SRGAP2C: variants seen among roughly 807,000 people sequenced by gnomAD.
SRGAP2C encodes the protein SLIT-ROBO Rho GTPase-activating protein 2C.
Under a neutral mutation model 25.1 loss-of-function variants are expected in SRGAP2C, and 15 were observed. The observed-to-expected ratio is 0.60, with a 90% CI of 0.40 to 0.92. The LOEUF is 0.92. Ranked by LOEUF, SRGAP2C falls within the 40% of genes least tolerant of loss-of-function variation. SRGAP2C has a pLI of 0.00. For missense variants in SRGAP2C, 144 were observed against 264.4 expected (o/e 0.54, Z 3.16); for synonymous variants, 44 against 96.6 (o/e 0.46, Z 3.19).
At chr1:121,287,751 C>G (rs1657402482) in intron 3 of SRGAP2C, among the ~76,000 whole-genome samples, 1 of 152,108 alleles carries the variant, frequency 6.6e-6, no homozygotes, top group South Asian at 2.1e-4. Context: ...TCTGTCCCTT[C>G]TGATGTTCAG....
chr1:121,282,648 G>A (rs1216135732), intron 2 of SRGAP2C, among the ~76,000 whole-genome samples: 13 of 151,814 alleles, frequency 8.6e-5, no homozygotes, highest in East Asian at 1.9e-4. Context: ...TCCGCCTCCC[G>A]GGTTCACGCC....
chr1:121,224,123 C>T (rs1205665362), intron 2 of SRGAP2C, among the ~76,000 whole-genome samples: 2 of 150,016 alleles, frequency 1.3e-5, no homozygotes, highest in African/African-American at 4.9e-5. Context: ...GAGCGTGCAT[C>T]ATCTCACTGG....
At chr1:121,334,961 TTTG>T (rs1212133637) in intron 4 of SRGAP2C, among the ~76,000 whole-genome samples, 31 of 141,754 alleles carry the variant, frequency 2.2e-4, no homozygotes, top group African/African-American at 7.7e-4. Flanking sequence ...TTTTCAAATT[TTTG>T]TTTTCTGTAT....
intron 2 of SRGAP2C, among the ~76,000 whole-genome samples, chr1:121,211,169 C>CTT: frequency 6.7e-6 from 1 of 148,554 alleles, no homozygotes; most frequent in African/African-American, 2.5e-5. Context: ...TTATGCAACA[C>CTT]TTTTTTTTTT....
chr1:121,360,667 C>A (rs1436870053), intron 4 of SRGAP2C: 4 of 35,282 alleles, frequency 1.1e-4, no homozygotes, highest in Non-Finnish European at 2.1e-4. Flanking sequence ...TTCCTTTTAG[C>A]CCTCTCCTCC....
intron 2 of SRGAP2C, among the ~76,000 whole-genome samples, chr1:121,259,599 G>A (rs1477788483): frequency 6.6e-6 from 1 of 151,434 alleles, no homozygotes; most frequent in African/African-American, 2.4e-5. Context: ...TCACTCATCT[G>A]TGCAACAGGT....
chr1:121,335,387 T>TC (rs1658491366), intron 4 of SRGAP2C, among the ~76,000 whole-genome samples: 149 of 108,884 alleles, frequency 1.4e-3, no homozygotes, highest in Middle Eastern at 4.7e-3. Context: ...AATAAATAAA[T>TC]AAAACAACCA....
intron 3 of SRGAP2C, among the ~76,000 whole-genome samples, chr1:121,313,888 C>T (rs1658023489): frequency 7.6e-6 from 1 of 131,270 alleles, no homozygotes; most frequent in Non-Finnish European, 1.6e-5. Context: ...TTTGGTGAAT[C>T]TGACAGTTAT....
At position 121,188,445 on chromosome 1, in the gene SRGAP2C, G is replaced by A. The variant is rs587603993; in HGVS notation, c.67+932G>A. On this transcript the variant is annotated intron_variant, in intron 2 of 9. Coordinates refer to ENST00000367123, the MANE Select transcript of SRGAP2C (RefSeq NM_001329984.2). ...GGTTCCTGCCTGTTAAAGAGCTGCA[G>A]CATGTGTTTGTGCAAGGCACTGTCC... 1.7e-4 allele frequency among the ~76,000 whole-genome samples: 25 copies of A among 149,448 alleles called. 1 individual carries two copies. The highest frequency in any genetic ancestry group is 1.7e-3 in the Admixed American group (25 of 15,002).
intron 3 of SRGAP2C, among the ~76,000 whole-genome samples, chr1:121,306,729 G>GA (rs1183038057): frequency 3.5e-5 from 5 of 143,538 alleles, no homozygotes; most frequent in Admixed American, 7.1e-5. Context: ...GTAACTGAAA[G>GA]AAAAAAAGAA....
At chr1:121,309,495 C>A (rs1401051417) in intron 3 of SRGAP2C, among the ~76,000 whole-genome samples, 1 of 145,188 alleles carries the variant, frequency 6.9e-6, no homozygotes, top group African/African-American at 2.5e-5. Context: ...CATATGTATA[C>A]ATGTGCCATG....
At chr1:121,283,113 G>T (rs1657286997) in intron 2 of SRGAP2C, among the ~76,000 whole-genome samples, 3 of 151,706 alleles carry the variant, frequency 2.0e-5, no homozygotes, top group South Asian at 4.2e-4. Context: ...ATCAGACTCT[G>T]TAAAACACAG....
chr1:121,224,841 G>A (rs587607562), intron 2 of SRGAP2C, among the ~76,000 whole-genome samples: 3 of 151,776 alleles, frequency 2.0e-5, no homozygotes, highest in African/African-American at 7.3e-5. Flanking sequence ...AGAGAAAATA[G>A]CAAGTGAAAA....
At chr1:121,201,806 C>A (rs184407135) in intron 2 of SRGAP2C, among the ~76,000 whole-genome samples, 1 of 152,262 alleles carries the variant, frequency 6.6e-6, no homozygotes, top group Admixed American at 6.5e-5. Context: ...TATCCGATAA[C>A]GTTAGGAGCA....
At chr1:121,321,825 C>T (rs1553341159) in intron 3 of SRGAP2C, among the ~76,000 whole-genome samples, 25 of 152,272 alleles carry the variant, frequency 1.6e-4, no homozygotes, top group Non-Finnish European at 2.4e-4. Flanking sequence ...TGAGGACACC[C>T]TGGGGATATG....
chr1:121,258,632 A>G lies in SRGAP2C; in HGVS notation c.68-26171A>G, dbSNP rs587651023. 8.0e-3 allele frequency among the ~76,000 whole-genome samples: 1,189 copies of G among 148,254 alleles called. 20 individuals carry two copies. Among genetic ancestry groups the G allele is most frequent in the South Asian group, 0.024 (110 of 4,630 alleles). On this transcript the variant is annotated intron_variant, in intron 2 of 9. Coordinates refer to ENST00000367123, the MANE Select transcript of SRGAP2C (RefSeq NM_001329984.2). ...AGGCATGTGCCACCACACCCGGCTAATTTTTGTATTTTTAGTAGAGACGAG... is the reference window on the plus strand; with the variant it reads ...AGGCATGTGCCACCACACCCGGCTAGTTTTTGTATTTTTAGTAGAGACGAG...
chr1:121,249,567 T>C (rs1403907265), intron 2 of SRGAP2C, among the ~76,000 whole-genome samples: 2 of 32,822 alleles, frequency 6.1e-5, no homozygotes, highest in East Asian at 1.1e-3. Context: ...TATATATATA[T>C]ATATATATAT....
chr1:121,294,769 A>G (rs1553338117), intron 3 of SRGAP2C, among the ~76,000 whole-genome samples: 11 of 141,018 alleles, frequency 7.8e-5, no homozygotes, highest in African/African-American at 2.4e-4. Context: ...ACCTTCTGCT[A>G]TTTTATAACC....
chr1:121,347,553 C>A (rs1272777253), intron 4 of SRGAP2C, among the ~76,000 whole-genome samples: 13 of 152,016 alleles, frequency 8.6e-5, no homozygotes, highest in African/African-American at 3.1e-4. Context: ...AAAAGGTCTG[C>A]ATGCTCTGGC....
Sources: allele counts gnomAD v4.1 joint callset (sites outside exome capture counted in the v4.1 genomes callset), GRCh38; gene constraint gnomAD v4.1.1; transcripts MANE v1.5; gene names NCBI Gene and HGNC (gene_info 2026-07-23, HGNC 2026-07-21).